GCKR: variants seen among roughly 807,000 people sequenced by gnomAD.
GCKR encodes glucokinase regulatory protein.
GCKR carries 73 observed loss-of-function variants against 82.9 expected under a neutral mutation model. The observed-to-expected ratio is 0.88, with a 90% CI of 0.73 to 1.07. The LOEUF (loss-of-function observed/expected upper bound fraction) is 1.07. Among genes scored for constraint, GCKR ranks in the 50% least tolerant of loss-of-function variants. The pLI, the probability that GCKR is intolerant of heterozygous loss-of-function variation, is 0.00. For synonymous variants in GCKR, 294 were observed against 291.8 expected (o/e 1.01, Z -0.08); for missense variants, 784 against 782.1 (o/e 1.00, Z -0.03).
intron 12 of GCKR, 134 bp downstream of exon 12, chr2:27,507,019 C>A: frequency 1.3e-6 from 1 of 782,500 alleles, no homozygotes; most frequent in Non-Finnish European, 2.3e-6. Context: ...ATAGGCACTT[C>A]AGTCAAATTC....
intron 16 of GCKR, among the ~76,000 whole-genome samples, chr2:27,513,358 C>T (rs901977247): frequency 6.6e-6 from 1 of 151,956 alleles, no homozygotes; most frequent in African/African-American, 2.4e-5. Flanking sequence ...TAGCAAAACC[C>T]CATCTCTACT....
chr2:27,520,075 A>ATG (rs541943901), intron 17 of GCKR, among the ~76,000 whole-genome samples: 79 of 152,016 alleles, frequency 5.2e-4, no homozygotes, highest in Non-Finnish European at 1.0e-3. Flanking sequence ...TCCATCAAGT[A>ATG]TGCCCTATGC....
chr2:27,511,101 C>T (rs1177181911), intron 16 of GCKR, among the ~76,000 whole-genome samples: 1 of 152,064 alleles, frequency 6.6e-6, no homozygotes, highest in Non-Finnish European at 1.5e-5. Context: ...GATCTTGGCT[C>T]ATTGCAACCT....
At chr2:27,521,296 G>A (rs768848221) in intron 17 of GCKR, among the ~76,000 whole-genome samples, 2 of 151,816 alleles carry the variant, frequency 1.3e-5, no homozygotes, top group Admixed American at 6.6e-5. Flanking sequence ...AGGCCAAAGC[G>A]GGCAGATCAC....
chr2:27,523,166 T>C, intron 18 of GCKR, 103 bp from the exon 19 acceptor site: 1 of 942,044 alleles, frequency 1.1e-6, no homozygotes, highest in South Asian at 1.4e-5. Context: ...CCCAAAGTGC[T>C]GGGATTACAG....
intron 8 of GCKR, 136 bp downstream of exon 8, chr2:27,501,365 G>A: frequency 2.8e-6 from 2 of 720,438 alleles, no homozygotes; most frequent in Non-Finnish European, 2.5e-6. Flanking sequence ...AATATGGGGT[G>A]CCCCTAAGCT....
chr2:27,511,996 T>G (rs959543183), intron 16 of GCKR, among the ~76,000 whole-genome samples: 2 of 152,034 alleles, frequency 1.3e-5, no homozygotes, highest in Admixed American at 6.6e-5. Flanking sequence ...ATCCCAGCAC[T>G]TTGGGAGGCC....
intron 7 of GCKR, among the ~76,000 whole-genome samples, chr2:27,500,282 G>T (rs999692591): frequency 3.3e-5 from 5 of 151,912 alleles, no homozygotes; most frequent in African/African-American, 1.2e-4. Flanking sequence ...TAGAGACAGG[G>T]TTTCTACTAA....
intron 2 of GCKR, 65 bp from the exon 3 acceptor site, chr2:27,497,497 G>A (rs912231078): frequency 1.9e-5 from 29 of 1,567,276 alleles, no homozygotes; most frequent in Non-Finnish European, 2.5e-5. Flanking sequence ...CGGAAACCCT[G>A]AGACCCCCTC....
chr2:27,523,227 T>A, intron 18 of GCKR, 42 bp from the exon 19 acceptor site: 1 of 1,571,868 alleles, frequency 6.4e-7, no homozygotes, highest in Non-Finnish European at 8.7e-7. Flanking sequence ...TCTGATGACC[T>A]CATTCCCTCA....
chr2:27,500,843 A>G (rs1444236502), intron 7 of GCKR, among the ~76,000 whole-genome samples: 1 of 152,244 alleles, frequency 6.6e-6, no homozygotes, highest in Non-Finnish European at 1.5e-5. Context: ...TATGGAAGGA[A>G]GCACACAAAG....
At position 27,506,763 on chromosome 2, in the gene GCKR, G is replaced by A. The variant is rs763362562; in HGVS notation, c.969-25G>A. On this transcript the variant is annotated intron_variant, in intron 11 of 18. Coordinates refer to ENST00000264717, the MANE Select transcript of GCKR (RefSeq NM_001486.4). ...GCCTCTTTGCACGGTGATCTCTCAT[G>A]TCCTGACCTCTGACCCATTCTCAGT... 19 of 1,476,082 alleles carry A rather than the reference G, an allele frequency of 1.3e-5. No individual in the cohort carries two copies. In the South Asian group the frequency reaches 1.8e-4, roughly 14 times the overall value. 91.4% of individuals were successfully genotyped at this position (1,476,082 alleles called of 1,614,324 possible).
chr2:27,497,607 G>A lies in GCKR; in HGVS notation c.262G>A (p.Gly88Arg). Residue 88 changes from glycine to arginine, a missense_variant, in exon 3 of 19, where the codon GGG becomes AGG. Transcript: ENST00000264717. ...TCTGACCACCATGGTACAGGTGGCT[G>A]GGAAAGTTCAGGAAGTGCTGAAGGT... ...SILTTMVQVA[G>R]KVQEVLKEPD... The A allele has an allele frequency of 6.2e-7, 1 of 1,612,322 alleles. No homozygotes were observed. Among genetic ancestry groups the A allele is most frequent in the Non-Finnish European group, 8.5e-7 (1 of 1,178,356 alleles).
At chr2:27,505,903 G>T in intron 10 of GCKR, 67 bp downstream of exon 10, 1 of 910,262 alleles carries the variant, frequency 1.1e-6, no homozygotes. Flanking sequence ...GATGGAGATT[G>T]GCAGGTCTAG....
At position 27,518,939 on chromosome 2, in the gene GCKR, T is replaced by G; in HGVS notation, c.1572+2T>G. On this transcript the variant is annotated splice_donor_variant, in intron 17 of 18. Coordinates refer to ENST00000264717, the MANE Select transcript of GCKR (RefSeq NM_001486.4). LOFTEE classifies it high-confidence loss of function. ...TGGCGGGCGCTGGCCATGCTGCAGG[T>G]AGGGATATGATGGGGCAGGGTTGGG... 1.2e-6 allele frequency: 2 copies of G among 1,608,736 alleles called. No individual in the cohort carries two copies. The highest frequency in any genetic ancestry group is 1.7e-6 in the Non-Finnish European group (2 of 1,176,288).
At chr2:27,506,655 A>G in intron 11 of GCKR, 76 bp downstream of exon 11, 2 of 1,173,792 alleles carry the variant, frequency 1.7e-6, no homozygotes, top group Non-Finnish European at 2.6e-6. Context: ...TCTGTGAGAC[A>G]TGTTAACACG....
rs375986345 is a variant in GCKR, at chr2:27,518,871, A to G, written c.1506A>G (p.Gln502=). ...ATGTGCTTCTTGGTAAGATCCTACA[A>G]AACCACATGTTGGACCTTCGGATTA... ...GAHVLLGKIL[Q]NHMLDLRISN... The change falls in exon 17 of 19, where the codon CAA becomes CAG. Residue 502 remains glutamine (Q), a synonymous_variant. Transcript: ENST00000264717. 8.7e-6 allele frequency: 14 copies of G among 1,613,690 alleles called. No homozygotes were observed. Among genetic ancestry groups the G allele is most frequent in the African/African-American group, 1.3e-5 (1 of 75,024 alleles).
intron 9 of GCKR, among the ~76,000 whole-genome samples, chr2:27,505,065 G>T (rs529805535): frequency 7.0e-6 from 1 of 142,152 alleles, no homozygotes; most frequent in African/African-American, 2.7e-5. Context: ...GGTAGAGGTT[G>T]CAGTGATCCA....
rs1269601857 is a variant in GCKR at position 27,522,509 on chromosome 2, C to T, written c.1622C>T (p.Ala541Val). ...CGATGCATCGAGAGCCTCCTCCGAG[C>T]GATCCACTTTCCCCAGCCACTGTCA... Reference protein sequence around the residue: ...KARCIESLLRAIHFPQPLSDD... With the variant: ...KARCIESLLRVIHFPQPLSDD... The change falls in exon 18 of 19, where the codon GCG becomes GTG. Residue 541 changes from alanine to valine, a missense_variant. Coordinates refer to ENST00000264717, the MANE Select transcript of GCKR (RefSeq NM_001486.4). 3.7e-6 allele frequency: 6 copies of T among 1,613,374 alleles called. No individual in the cohort carries two copies. The highest frequency in any genetic ancestry group is 5.1e-6 in the Non-Finnish European group (6 of 1,179,328).
Sources: allele counts gnomAD v4.1 joint callset (sites outside exome capture counted in the v4.1 genomes callset), GRCh38; gene constraint gnomAD v4.1.1; transcripts MANE v1.5; gene names NCBI Gene and HGNC (gene_info 2026-07-23, HGNC 2026-07-21).